F2: variants seen among roughly 807,000 people sequenced by gnomAD.
F2 encodes the protein coagulation factor II, thrombin.
Under a neutral mutation model 81.9 loss-of-function variants are expected in F2, and 34 were observed. The ratio of observed to expected loss-of-function variants is 0.42; its 90% CI spans 0.32 to 0.55. The LOEUF is 0.55. Ranked by LOEUF, F2 falls within the 20% of genes least tolerant of loss-of-function variation. F2 has a pLI of 0.18. For missense variants in F2, 630 were observed against 833.4 expected (o/e 0.76, Z 3.00); for synonymous variants, 296 against 326.4 (o/e 0.91, Z 1.01).
At chr11:46,721,784 T>C (rs3136443) in intron 4 of F2, among the ~76,000 whole-genome samples, 9,965 of 151,692 alleles carry the variant, frequency 0.066, 391 homozygotes, top group Non-Finnish European at 0.09. Flanking sequence ...CCCATCTCAG[T>C]CTCCCAAAGG....
Position 46,725,839 on chromosome 11 carries a change from C to T in F2, c.560-20C>T. 6.2e-7 allele frequency: 1 copy of T among 1,611,586 alleles called. No individual in the cohort carries two copies. The highest frequency in any genetic ancestry group is 8.5e-7 in the Non-Finnish European group (1 of 1,179,576). ...TGTGGTCTCACTCACTCTGCTGCCTCCTTGCCCCTCACCCACCAGGCCAGG... is the reference window on the plus strand; with the variant it reads ...TGTGGTCTCACTCACTCTGCTGCCTTCTTGCCCCTCACCCACCAGGCCAGG... On this transcript the variant is annotated intron_variant, in intron 6 of 13. Transcript: ENST00000311907.
chr11:46,730,554 G>C (rs897445045), intron 12 of F2, among the ~76,000 whole-genome samples: 2 of 151,674 alleles, frequency 1.3e-5, no homozygotes, highest in Admixed American at 6.6e-5. Flanking sequence ...AGAGAGGGGG[G>C]CAGGCAGAGG....
chr11:46,724,863 T>C (rs2064861538), intron 6 of F2, among the ~76,000 whole-genome samples: 1 of 151,606 alleles, frequency 6.6e-6, no homozygotes, highest in African/African-American at 2.4e-5. Flanking sequence ...CTCCGCCTCC[T>C]GGGTTCAAGC....
Position 46,726,556 on chromosome 11 carries a change from C to G in F2, c.933C>G (p.Ile311Met), listed in dbSNP as rs377529931. 3.1e-6 allele frequency: 5 copies of G among 1,614,038 alleles called. No homozygotes were observed. The South Asian group carries it at 4.4e-5, about 14-fold the overall frequency. Residue 311 changes from isoleucine to methionine, a missense_variant, in exon 8 of 14, where the codon ATC (isoleucine) becomes ATG (methionine). By Grantham distance (10) the Ile-to-Met change is conservative (BLOSUM62 1). Coordinates refer to ENST00000311907, the MANE Select transcript of F2 (RefSeq NM_000506.5). This position sits in a 1 kb window ranked among gnomAD's most constrained non-coding sequence, Gnocchi z 5.9. ...TGGATGAGGACTCAGACAGGGCCAT[C>G]GAAGGGCGTACCGCCACCAGTGAGT... is the stretch of plus-strand genomic sequence containing the variant. Reference protein sequence around the residue: ...DGLDEDSDRAIEGRTATSEYQ... With the variant: ...DGLDEDSDRAMEGRTATSEYQ...
In F2 at chr11:46,728,918, G is replaced by GC; in HGVS notation, c.1472+85dup. On this transcript the variant is annotated intron_variant, in intron 11 of 13. Transcript: ENST00000311907. This position sits in a 1 kb window ranked among gnomAD's most constrained non-coding sequence, Gnocchi z 5.1. ...TCTGATACCAAGTAGCCTTGCAAGA[G>GC]CCCCTTTCCCTTTTCCAGGCCTCGG... 6.6e-7 allele frequency: 1 copy of GC among 1,505,796 alleles called. No individual in the cohort carries two copies. The highest frequency in any genetic ancestry group is 1.7e-5 in the Admixed American group (1 of 58,868). 93.3% of individuals were successfully genotyped at this position (1,505,796 alleles called of 1,614,324 possible).
At chr11:46,721,011 A>G (rs944628726) in intron 4 of F2, among the ~76,000 whole-genome samples, 171 bp downstream of exon 4, 8 of 151,988 alleles carry the variant, frequency 5.3e-5, no homozygotes, top group Non-Finnish European at 8.8e-5. Flanking sequence ...TGTGTCTGGC[A>G]TGCGAACGAA....
chr11:46,731,682 C>T (rs114621986), intron 12 of F2, among the ~76,000 whole-genome samples: 25 of 151,766 alleles, frequency 1.6e-4, no homozygotes, highest in Non-Finnish European at 3.4e-4. Flanking sequence ...ATTTTGTACA[C>T]TGGCCCTGAA....
In F2 at chr11:46,728,284, C is replaced by T. The variant is rs1168929814; in HGVS notation, c.1298+121C>T. 3.0e-5 allele frequency: 34 copies of T among 1,123,260 alleles called. No homozygotes were observed. Among genetic ancestry groups the T allele is most frequent in the Non-Finnish European group, 4.0e-5 (31 of 766,324 alleles). The allele number at this position is 1,123,260 out of a possible 1,614,324, so 69.6% of individuals were successfully genotyped here. A position where few individuals can be genotyped will look rare whatever the true frequency, so the allele number is the denominator to read the frequency against. On this transcript the variant is annotated intron_variant, in intron 10 of 13. Coordinates refer to ENST00000311907, the MANE Select transcript of F2 (RefSeq NM_000506.5). This position sits in a 1 kb window ranked among gnomAD's most constrained non-coding sequence, Gnocchi z 5.1. ...CTGTATACCCCCCAGAATATAACAT[C>T]CCAGCAGTCTCTGCTGGAAAGCCCA...
Position 46,723,876 on chromosome 11 carries a change from G to A in F2, c.559+358G>A, listed in dbSNP as rs1293063571. Among the ~76,000 whole-genome samples, 8 of 151,768 alleles carry A rather than the reference G, an allele frequency of 5.3e-5. No individual in the cohort carries two copies. The highest frequency in any genetic ancestry group is 1.9e-4 in the African/African-American group (8 of 41,350). On this transcript the variant is annotated intron_variant, in intron 6 of 13. Coordinates refer to ENST00000311907, the MANE Select transcript of F2 (RefSeq NM_000506.5). This position sits in a 1 kb window ranked among gnomAD's most constrained non-coding sequence, Gnocchi z 5.6. ...CTGTACTTCAGCCTGGGCGACAAGA[G>A]CAAAACTCTGTCTCAAAGAAAAAAA...
rs935986214 is a variant in F2, at chr11:46,725,893, C to T, written c.594C>T (p.Arg198=). The part of the protein sequence containing the change: ...QDQVTVAMTP[R]SEGSSVNLSP... ...AAGTCACTGTAGCGATGACTCCACG[C>T]TCCGAAGGCTCCAGTGTGAATCTGT... The change falls in exon 7 of 14, where the codon CGC becomes CGT. Residue 198 remains arginine (R), a synonymous_variant. Transcript: ENST00000311907. 4.3e-6 allele frequency: 7 copies of T among 1,613,520 alleles called. No homozygotes were observed. The highest frequency in any genetic ancestry group is 4.2e-6 in the Non-Finnish European group (5 of 1,180,040).
chr11:46,727,076 C>T (rs1217903354), intron 9 of F2, among the ~76,000 whole-genome samples: 1 of 152,242 alleles, frequency 6.6e-6, no homozygotes, highest in Non-Finnish European at 1.5e-5. Flanking sequence ...AATCTCGGCT[C>T]ACTACCTCGA....
At chr11:46,735,378 T>C (rs1394852437) in intron 12 of F2, among the ~76,000 whole-genome samples, 1 of 151,508 alleles carries the variant, frequency 6.6e-6, no homozygotes, top group Non-Finnish European at 1.5e-5. Flanking sequence ...GAGGTGGAGG[T>C]TGCAGTGAGC....
Position 46,726,650 on chromosome 11 carries a change from G to A in F2, c.1003+24G>A. The A allele has an allele frequency of 6.2e-7, 1 of 1,613,606 alleles. No individual in the cohort carries two copies. Among genetic ancestry groups the A allele is most frequent in the Non-Finnish European group, 8.5e-7 (1 of 1,179,478 alleles). ...AGGTGAGGTAGTGGGCATCCGAGGG[G>A]ATGCGGGGCTGCGGGGCTGGTGGCC... is the stretch of plus-strand genomic sequence containing the variant. On this transcript the variant is annotated intron_variant, in intron 8 of 13. Transcript: ENST00000311907. The surrounding 1 kb of genome is among the most constrained non-coding windows in gnomAD (Gnocchi z 5.9).
intron 4 of F2, 111 bp downstream of exon 4, chr11:46,720,951 C>G (rs979461908): frequency 8.3e-5 from 92 of 1,112,742 alleles, no homozygotes; most frequent in Non-Finnish European, 1.2e-4. Context: ...TCCCCAGCAT[C>G]TGACATTGCT....
rs751494277 is a variant in F2, at chr11:46,719,759, C to A, written c.137C>A (p.Thr46Asn). The change falls in exon 2 of 14, where the codon ACC (threonine) becomes AAC (asparagine). Residue 46 changes from threonine (T) to asparagine (N), a missense_variant. By Grantham distance (65) the Thr-to-Asn change is moderately conservative (BLOSUM62 0). Transcript: ENST00000311907. The surrounding 1 kb of genome is among the most constrained non-coding windows in gnomAD (Gnocchi z 4.7). Reference protein sequence around the residue: ...SLLQRVRRANTFLEEVRKGNL... With the variant: ...SLLQRVRRANNFLEEVRKGNL... ...CTCCAGCGGGTCCGGCGAGCCAACACCTTCTTGGAGGAGGTGCGCAAGGGC... is the reference window on the plus strand; with the variant it reads ...CTCCAGCGGGTCCGGCGAGCCAACAACTTCTTGGAGGAGGTGCGCAAGGGC... 1.3e-6 allele frequency: 2 copies of A among 1,598,088 alleles called. No homozygotes were observed. The highest frequency in any genetic ancestry group is 3.5e-5 in the Admixed American group (2 of 57,272).
At chr11:46,729,877 G>A (rs552501276) in intron 12 of F2, among the ~76,000 whole-genome samples, 1 of 152,230 alleles carries the variant, frequency 6.6e-6, no homozygotes, top group Non-Finnish European at 1.5e-5. Flanking sequence ...CACGTTCCAG[G>A]CAGCGTTCTA....
At chr11:46,734,595 G>T (rs901629528) in intron 12 of F2, among the ~76,000 whole-genome samples, 1 of 152,106 alleles carries the variant, frequency 6.6e-6, no homozygotes, top group Non-Finnish European at 1.5e-5. Flanking sequence ...GGGATCACCT[G>T]AGGTCAGAAG....
intron 6 of F2, 28 bp from the exon 7 acceptor site, chr11:46,725,831 T>C: frequency 1.9e-6 from 3 of 1,610,922 alleles, no homozygotes; most frequent in Non-Finnish European, 2.5e-6. Flanking sequence ...TCACTCACTC[T>C]GCTGCCTCCT....
intron 12 of F2, among the ~76,000 whole-genome samples, chr11:46,733,972 G>GA (rs1467634245): frequency 6.6e-6 from 1 of 151,722 alleles, no homozygotes; most frequent in African/African-American, 2.4e-5. Flanking sequence ...ATTTTTAGTA[G>GA]AGACAGGGTT....
Sources: gnomAD v4.1 joint callset for allele counts (sites outside exome capture counted in the v4.1 genomes callset) on GRCh38, gnomAD v4.1.1 for gene constraint, Gnocchi (gnomAD v3.1) non-coding constraint, MANE v1.5 for transcripts, NCBI Gene and HGNC (gene_info 2026-07-23, HGNC 2026-07-21) for gene names.